Variants in CDK5RAP2 observed in about 807,000 individuals in gnomAD.
CDK5RAP2 encodes CDK5 regulatory subunit-associated protein 2.
A neutral mutation model predicts 232.9 loss-of-function variants in CDK5RAP2; 147 were observed. The observed-to-expected ratio is 0.63, with a 90% CI of 0.55 to 0.72. The LOEUF is 0.72. Ranked by LOEUF, CDK5RAP2 falls within the 30% of genes least tolerant of loss-of-function variation. CDK5RAP2 has a pLI of 0.00. For synonymous variants in CDK5RAP2, 833 were observed against 833.7 expected (o/e 1.00, Z 0.01); for missense variants, 2,195 against 2,231.5 (o/e 0.98, Z 0.33).
In CDK5RAP2 at chr9:120,439,422, C is replaced by T. The variant is rs745925618; in HGVS notation, c.3699G>A (p.Lys1233=). 3 of 1,614,058 alleles carry T rather than the reference C, an allele frequency of 1.9e-6. No individual in the cohort carries two copies. In the African/African-American group the frequency reaches 4.0e-5, roughly 22 times the overall value. ...ACCTGGGAGGTGAGAGATCTCTGAA[C>T]TTATTCTGCAGATTATGGATCTCAC... ...LFSEIHNLQN[K]FRDLSPPRYD... is the part of the protein sequence containing the mutation. The change falls in exon 24 of 38, where the codon AAG becomes AAA. Residue 1233 remains lysine, a synonymous_variant. Transcript: ENST00000349780.
intron 25 of CDK5RAP2, among the ~76,000 whole-genome samples, chr9:120,436,312 T>C (rs1193106195): frequency 2.0e-5 from 3 of 152,154 alleles, no homozygotes; most frequent in Non-Finnish European, 4.4e-5. Flanking sequence ...GCCTGAACTA[T>C]TGAAGTATGT....
At chr9:120,426,808 G>A (rs1481789573) in intron 25 of CDK5RAP2, among the ~76,000 whole-genome samples, 1 of 152,204 alleles carries the variant, frequency 6.6e-6, no homozygotes, top group East Asian at 1.9e-4. Flanking sequence ...AATCTGTCAT[G>A]TGATGCTATA....
intron 15 of CDK5RAP2, among the ~76,000 whole-genome samples, chr9:120,473,863 A>C (rs2037856207): frequency 1.3e-5 from 2 of 152,228 alleles, no homozygotes; most frequent in South Asian, 4.1e-4. Context: ...CAGGGTGAAA[A>C]GTACACAGCT....
At chr9:120,468,335 T>C (rs1049468527) in intron 17 of CDK5RAP2, among the ~76,000 whole-genome samples, 4 of 152,198 alleles carry the variant, frequency 2.6e-5, no homozygotes, top group African/African-American at 9.7e-5. Flanking sequence ...ACGGTCTAAG[T>C]GCTCAGTCAA....
intron 5 of CDK5RAP2, among the ~76,000 whole-genome samples, chr9:120,543,807 G>A (rs776224232): frequency 2.0e-5 from 3 of 152,138 alleles, no homozygotes; most frequent in Non-Finnish European, 4.4e-5. Context: ...GCAGTGAGCC[G>A]AGATCATGCC....
At position 120,437,391 on chromosome 9, in the gene CDK5RAP2, C is replaced by T. The variant is rs587783386; in HGVS notation, c.3859G>A (p.Ala1287Thr). The T allele has an allele frequency of 6.2e-7, 1 of 1,614,092 alleles. No homozygotes were observed. Among genetic ancestry groups the T allele is most frequent in the South Asian group, 1.1e-5 (1 of 91,080 alleles). The change falls in exon 25 of 38, where the codon GCC becomes ACC. Residue 1287 changes from alanine (A) to threonine (T), a missense_variant. Physicochemically the swap from Ala to Thr is moderately conservative, Grantham distance 58 (BLOSUM62 0). Coordinates refer to ENST00000349780, the MANE Select transcript of CDK5RAP2 (RefSeq NM_018249.6). ...MIKAFEELLQ[A>T]SDVDYCVAEG... The stretch of plus-strand genomic sequence containing the variant: ...GCCACACAGTAATCCACATCACTGG[C>T]CTGCAGCAACTCCTCAAATGCCTTA...
At chr9:120,420,345 G>C (rs1394030502) in intron 26 of CDK5RAP2, among the ~76,000 whole-genome samples, 1 of 152,164 alleles carries the variant, frequency 6.6e-6, no homozygotes, top group Non-Finnish European at 1.5e-5. Context: ...TAGACTGGGG[G>C]AACTGGGGCT....
chr9:120,517,989 G>A (rs1418832795), intron 12 of CDK5RAP2: 2 of 213,738 alleles, frequency 9.4e-6, no homozygotes, highest in African/African-American at 4.6e-5. Context: ...TAATCTAAAT[G>A]CCGTTCAAAA....
Position 120,415,071 on chromosome 9 carries a change from C to CTGT in CDK5RAP2, c.4263_4265dup (p.Gln1422dup), listed in dbSNP as rs2034127896. 6.2e-7 allele frequency: 1 copy of CTGT among 1,614,100 alleles called. No homozygotes were observed. Among genetic ancestry groups the CTGT allele is most frequent in the African/African-American group, 1.3e-5 (1 of 74,948 alleles). ...CAAATTCAGATCCTTGCCGTTCCAA[C>CTGT]TGTTTCCGTAGCTTCTCATTTGTTT... On this transcript the variant is annotated inframe_insertion, in exon 28 of 38. Coordinates refer to ENST00000349780, the MANE Select transcript of CDK5RAP2 (RefSeq NM_018249.6).
chr9:120,573,135 G>A (rs532887929), intron 1 of CDK5RAP2, among the ~76,000 whole-genome samples: 1 of 152,276 alleles, frequency 6.6e-6, no homozygotes, highest in Non-Finnish European at 1.5e-5. Context: ...AATTCATTGT[G>A]CTCCTAGGAT....
chr9:120,409,179 G>T lies in CDK5RAP2; in HGVS notation c.4552C>A (p.His1518Asn), dbSNP rs921897114. The T allele has an allele frequency of 6.2e-7, 1 of 1,613,462 alleles. No individual in the cohort carries two copies. The highest frequency in any genetic ancestry group is 1.3e-5 in the African/African-American group (1 of 74,922). The change falls in exon 30 of 38, where the codon CAC (histidine) becomes AAC (asparagine). Residue 1518 changes from histidine (H) to asparagine (N), a missense_variant. By Grantham distance (68) the His-to-Asn change is moderately conservative. Coordinates refer to ENST00000349780, the MANE Select transcript of CDK5RAP2 (RefSeq NM_018249.6). ...ACCTCCTGGATCAGCTGCTGGTTGT[G>T]TCTCTCCTTCTCGCTGCCTTCTTTC... ...LQKEGSEKER[H>N]NQQLIQEVRC...
intron 13 of CDK5RAP2, among the ~76,000 whole-genome samples, chr9:120,489,791 C>G (rs1270543659): frequency 6.0e-5 from 9 of 150,916 alleles, no homozygotes; most frequent in Admixed American, 5.9e-4. Context: ...TTCTGTTTGG[C>G]CTTTGTCTTT....
intron 12 of CDK5RAP2, 66 bp from the exon 13 acceptor site, chr9:120,491,543 T>A: frequency 9.0e-7 from 1 of 1,112,122 alleles, no homozygotes; most frequent in Non-Finnish European, 1.4e-6. Context: ...TGTGTTTGAC[T>A]TGCTAAATTA....
chr9:120,428,441 A>C (rs374244901), intron 25 of CDK5RAP2, among the ~76,000 whole-genome samples: 49 of 152,150 alleles, frequency 3.2e-4, no homozygotes, highest in East Asian at 1.5e-3. Context: ...ACCGATCCCA[A>C]AGAAATACAA....
chr9:120,454,331 C>T (rs925389150), intron 20 of CDK5RAP2, among the ~76,000 whole-genome samples: 1 of 152,182 alleles, frequency 6.6e-6, no homozygotes. Context: ...CCATCGATGA[C>T]CTAATCCATC....
chr9:120,516,107 G>A (rs1588537245), intron 12 of CDK5RAP2, among the ~76,000 whole-genome samples: 1 of 151,986 alleles, frequency 6.6e-6, no homozygotes, highest in East Asian at 1.9e-4. Flanking sequence ...CAAAGACTTG[G>A]AACCAACCCA....
At chr9:120,554,159 T>C (rs1241193064) in intron 3 of CDK5RAP2, among the ~76,000 whole-genome samples, 2 of 152,210 alleles carry the variant, frequency 1.3e-5, no homozygotes, top group African/African-American at 4.8e-5. Context: ...TAGGTTACTA[T>C]TTTTTAAAAG....
intron 35 of CDK5RAP2, among the ~76,000 whole-genome samples, 188 bp downstream of exon 35, chr9:120,400,554 T>TGGCTACAGGAGTGTGGGACGGATCAA (rs2032913240): frequency 1.3e-5 from 2 of 152,214 alleles, no homozygotes; most frequent in African/African-American, 4.8e-5. Flanking sequence ...AGACGGGTCA[T>TGGCTACAGGAGTGTGGGACGGATCAA]GGCTACAGGA....
intron 13 of CDK5RAP2, among the ~76,000 whole-genome samples, chr9:120,489,818 T>C (rs1018805923): frequency 2.0e-5 from 3 of 151,620 alleles, no homozygotes; most frequent in African/African-American, 7.3e-5. Flanking sequence ...CCTTTTTTTT[T>C]TTTTTTGAGA....
Sources: gnomAD v4.1 joint callset for allele counts (sites outside exome capture counted in the v4.1 genomes callset) on GRCh38, gnomAD v4.1.1 for gene constraint, MANE v1.5 for transcripts, NCBI Gene and HGNC (gene_info 2026-07-23, HGNC 2026-07-21) for gene names.